HERC5: variants seen among roughly 807,000 people sequenced by gnomAD.
HERC5 encodes HECT and RLD domain containing E3 ubiquitin protein ligase 5, also known as E3 ISG15--protein ligase HERC5.
A neutral mutation model predicts 119.6 loss-of-function variants in HERC5; 99 were observed. The observed-to-expected ratio is 0.83, with a 90% CI of 0.70 to 0.98. The LOEUF is 0.98. Among genes scored for constraint, HERC5 ranks in the 50% least tolerant of loss-of-function variants. The pLI is 0.00. For synonymous variants in HERC5, 478 were observed against 445.9 expected (o/e 1.07, Z -0.91); for missense variants, 1,267 against 1,241.3 (o/e 1.02, Z -0.31).
rs532640182 is a variant in HERC5 at position 88,475,020 on chromosome 4, A to T, written c.1393-821A>T. ...ATTGGGGAAACTATAAGGAAATTGG[A>T]GGGGCTAGAAACTAGAGTCTGTGGT... On this transcript the variant is annotated intron_variant, in intron 11 of 22. Coordinates refer to ENST00000264350, the MANE Select transcript of HERC5 (RefSeq NM_016323.4). 7.3e-4 allele frequency among the ~76,000 whole-genome samples: 111 copies of T among 151,988 alleles called. 1 individual carries two copies. The highest frequency in any genetic ancestry group is 2.6e-3 in the African/African-American group (106 of 41,482).
intron 4 of HERC5, 21 bp downstream of exon 4, chr4:88,462,377 T>A (rs1270905904): frequency 6.3e-7 from 1 of 1,577,656 alleles, no homozygotes; most frequent in Non-Finnish European, 8.7e-7. Flanking sequence ...CATTCTCAGA[T>A]TCCTATTACC....
chr4:88,472,147 A>G (rs1740896585), intron 10 of HERC5, among the ~76,000 whole-genome samples: 1 of 151,836 alleles, frequency 6.6e-6, no homozygotes, highest in Non-Finnish European at 1.5e-5. Context: ...TTAAACTGGG[A>G]AATATTAATT....
intron 13 of HERC5, among the ~76,000 whole-genome samples, chr4:88,484,977 G>A (rs553398497): frequency 6.6e-6 from 1 of 151,280 alleles, no homozygotes; most frequent in Non-Finnish European, 1.5e-5. Context: ...ATATCATACT[G>A]CTGAAGAAAA....
chr4:88,484,076 T>G (rs1396781522), intron 13 of HERC5, among the ~76,000 whole-genome samples: 1 of 152,212 alleles, frequency 6.6e-6, no homozygotes, highest in African/African-American at 2.4e-5. Flanking sequence ...GTTCATGAAT[T>G]CTCTTTTCAG....
Position 88,505,800 on chromosome 4 carries a change from C to G in HERC5, c.2997C>G (p.Phe999Leu). 2 of 1,613,758 alleles carry G rather than the reference C, an allele frequency of 1.2e-6. No homozygotes were observed. The highest frequency in any genetic ancestry group is 1.7e-6 in the Non-Finnish European group (2 of 1,179,680). Residue 999 changes from phenylalanine to leucine, a missense_variant, in exon 23 of 23, where the codon TTC becomes TTG. Around this residue, in one of 3 missense-constraint regions of HERC5, gnomAD observed 473 missense variants for 445.7 expected, o/e 1.06. Coordinates refer to ENST00000264350, the MANE Select transcript of HERC5 (RefSeq NM_016323.4). ...CACTGACATGTTTCAGTGTCCTCTTCCTCCCTAAATATTCTACAATGGAAA... is the reference window on the plus strand; with the variant it reads ...CACTGACATGTTTCAGTGTCCTCTTGCTCCCTAAATATTCTACAATGGAAA... Reference protein sequence around the residue: ...IRALTCFSVLFLPKYSTMETV... With the variant: ...IRALTCFSVLLLPKYSTMETV...
intron 13 of HERC5, among the ~76,000 whole-genome samples, chr4:88,484,134 A>T (rs1317726148): frequency 6.6e-6 from 1 of 152,190 alleles, no homozygotes; most frequent in Non-Finnish European, 1.5e-5. Flanking sequence ...TATTTCAAGT[A>T]GTAATGTTTT....
chr4:88,462,035 T>C (rs1482830703), intron 3 of HERC5, 100 bp from the exon 4 acceptor site: 2 of 968,892 alleles, frequency 2.1e-6, no homozygotes, highest in African/African-American at 1.6e-5. Context: ...AAAGGTACAA[T>C]ATTGTGATAT....
chr4:88,499,786 A>C, intron 18 of HERC5, 140 bp from the exon 19 acceptor site: 1 of 557,610 alleles, frequency 1.8e-6, no homozygotes, highest in Non-Finnish European at 3.2e-6. Context: ...TTAGACTATC[A>C]GTACGCAGAG....
chr4:88,480,090 T>G (rs1002308905), intron 13 of HERC5, among the ~76,000 whole-genome samples: 1 of 141,136 alleles, frequency 7.1e-6, no homozygotes, highest in African/African-American at 2.6e-5. Context: ...AAAAAAGAAA[T>G]AACCTGTGTG....
At chr4:88,494,393 G>A in intron 18 of HERC5, 62 bp downstream of exon 18, 1 of 1,316,324 alleles carries the variant, frequency 7.6e-7, no homozygotes. Flanking sequence ...AAATATTTAA[G>A]TACACACGCT....
intron 15 of HERC5, 83 bp from the exon 16 acceptor site, chr4:88,489,083 C>G: frequency 8.3e-6 from 9 of 1,084,730 alleles, no homozygotes; most frequent in Non-Finnish European, 1.2e-5. Flanking sequence ...TAAGCAGAAC[C>G]AGTTTATTCT....
chr4:88,470,668 G>A lies in HERC5; in HGVS notation c.1293G>A (p.Arg431=). 1.4e-6 allele frequency: 2 copies of A among 1,389,258 alleles called. No individual in the cohort carries two copies. Among genetic ancestry groups the A allele is most frequent in the Non-Finnish European group, 2.0e-6 (2 of 981,914 alleles). 86.1% of individuals were successfully genotyped at this position (1,389,258 alleles called of 1,614,324 possible). ...SPACLTGSFL[R]KRRTTEMMPV... ...CTTGTCTAACTGGAAGTTTTTTAAG[G>A]AAAAGGTAATATATGTAATAAATTA... The change falls in exon 10 of 23, where the codon AGG becomes AGA. Residue 431 remains arginine (R), a synonymous_variant. Coordinates refer to ENST00000264350, the MANE Select transcript of HERC5 (RefSeq NM_016323.4).
Position 88,489,314 on chromosome 4 carries a change from A to G in HERC5, c.2111A>G (p.Glu704Gly). The change falls in exon 16 of 23, where the codon GAA (glutamate) becomes GGA (glycine). Residue 704 changes from glutamate to glycine, a missense_variant. Glu to Gly is a moderately conservative substitution (Grantham distance 98, BLOSUM62 -2). Coordinates refer to ENST00000264350, the MANE Select transcript of HERC5 (RefSeq NM_016323.4). The stretch of plus-strand genomic sequence containing the variant: ...AATCAGCTAAGTCAATTTGAGAATG[A>G]AGACCTGAGGAAAGAGTTATGGGTA... The part of the protein sequence containing the change: ...VLNQLSQFEN[E>G]DLRKELWVSF... The G allele has an allele frequency of 6.2e-7, 1 of 1,613,066 alleles. No individual in the cohort carries two copies. Among genetic ancestry groups the G allele is most frequent in the Non-Finnish European group, 8.5e-7 (1 of 1,179,660 alleles).
At chr4:88,494,778 A>G (rs947185062) in intron 18 of HERC5, among the ~76,000 whole-genome samples, 1 of 152,232 alleles carries the variant, frequency 6.6e-6, no homozygotes, top group Non-Finnish European at 1.5e-5. Flanking sequence ...CGTAAGAAAT[A>G]TTCACAAAGT....
chr4:88,463,507 T>C (rs776610206), intron 4 of HERC5, 25 bp from the exon 5 acceptor site: 1 of 1,527,836 alleles, frequency 6.5e-7, no homozygotes, highest in Non-Finnish European at 9.1e-7. Context: ...TTTTGGTCAC[T>C]TCAGCTATTT....
At chr4:88,459,617 A>T in intron 2 of HERC5, 147 bp downstream of exon 2, 1 of 528,396 alleles carries the variant, frequency 1.9e-6, no homozygotes, top group Non-Finnish European at 3.3e-6. Flanking sequence ...TAAAGTCCTT[A>T]TGTCCCCCAG....
In HERC5 at chr4:88,476,759, A is replaced by G. The variant is rs150648465; in HGVS notation, c.1582+729A>G. 3.1e-3 allele frequency among the ~76,000 whole-genome samples: 465 copies of G among 152,110 alleles called. 12 individuals are homozygous for G. In the East Asian group the frequency reaches 0.067, roughly 22 times the overall value. ...AACATGACAAAACCCTGACTCTACTAAAAATACAAAAATTAACTGGACTTG... is the reference window on the plus strand; with the variant it reads ...AACATGACAAAACCCTGACTCTACTGAAAATACAAAAATTAACTGGACTTG... On this transcript the variant is annotated intron_variant, in intron 12 of 22. Transcript: ENST00000264350.
chr4:88,504,742 C>T, intron 22 of HERC5, 145 bp downstream of exon 22: 1 of 432,156 alleles, frequency 2.3e-6, no homozygotes, highest in Non-Finnish European at 4.2e-6. Context: ...GTCCCAACAT[C>T]AAAAAACAAA....
Position 88,495,725 on chromosome 4 carries a change from T to G in HERC5, c.2444+1394T>G, listed in dbSNP as rs149436515. Among the ~76,000 whole-genome samples, 948 of 152,170 alleles carry G rather than the reference T, an allele frequency of 6.2e-3. 4 individuals carry two copies. The highest frequency in any genetic ancestry group is 0.011 in the Non-Finnish European group (716 of 68,000). On this transcript the variant is annotated intron_variant, in intron 18 of 22. Transcript: ENST00000264350. ...GTCTGGCTCCAGAGTCTATTAATCG[T>G]TTATACTAACTGTACTAATAAGACA...
Sources: gnomAD v4.1 joint callset for allele counts (sites outside exome capture counted in the v4.1 genomes callset) on GRCh38, gnomAD v4.1.1 for gene constraint, gnomAD v4.1.1 regional missense constraint, MANE v1.5 for transcripts, NCBI Gene and HGNC (gene_info 2026-07-23, HGNC 2026-07-21) for gene names.